Variants in PKHD1 observed in about 807,000 individuals in gnomAD.
PKHD1 encodes fibrocystin.
In PKHD1, 291 loss-of-function variants were observed where a neutral mutation model predicts 412.0. The ratio of observed to expected loss-of-function variants is 0.71; its 90% CI spans 0.64 to 0.78. The LOEUF (loss-of-function observed/expected upper bound fraction) is 0.78. Among genes scored for constraint, PKHD1 ranks in the 30% least tolerant of loss-of-function variants. PKHD1 has a pLI of 0.00. For synonymous variants in PKHD1, 1,777 were observed against 1,821.5 expected, an observed-to-expected ratio of 0.98 and a Z score of 0.62; for missense variants, 4,825 against 4,950.7, an observed-to-expected ratio of 0.97 and a Z score of 0.76.
chr6:52,083,610 A>C (rs1043176373), intron 2 of PKHD1, among the ~76,000 whole-genome samples: 1 of 152,172 alleles, frequency 6.6e-6, no homozygotes, highest in African/African-American at 2.4e-5. Context: ...TTTGGGTCCT[A>C]ATCAAACCCA....
intron 36 of PKHD1, among the ~76,000 whole-genome samples, chr6:51,948,946 G>A (rs1397987017): frequency 6.6e-6 from 1 of 152,156 alleles, no homozygotes; most frequent in Non-Finnish European, 1.5e-5. Context: ...AAGATCAAGA[G>A]AGAAAAGGTG....
At chr6:51,691,106 T>C (rs1013199637) in intron 60 of PKHD1, among the ~76,000 whole-genome samples, 1 of 152,130 alleles carries the variant, frequency 6.6e-6, no homozygotes, top group Admixed American at 6.5e-5. Context: ...CACAATGAGA[T>C]ACCATCTAAC....
chr6:51,675,342 G>A (rs1245151264), intron 60 of PKHD1, among the ~76,000 whole-genome samples: 1 of 152,108 alleles, frequency 6.6e-6, no homozygotes. Flanking sequence ...GTTTAGTTTT[G>A]AGTAATGATT....
Position 51,722,169 on chromosome 6 carries a change from G to A in PKHD1, c.10156+22216C>T, listed in dbSNP as rs572657614. The A allele has an allele frequency of 4.6e-5, 62 of 1,347,222 alleles. 1 individual carries two copies. Among genetic ancestry groups the A allele is most frequent in the South Asian group, 1.8e-4 (14 of 77,734 alleles). The allele number at this position is 1,347,222 out of a possible 1,614,324, so 83.5% of individuals were successfully genotyped here. On this transcript the variant is annotated intron_variant, in intron 60 of 66. Transcript: ENST00000371117. ...ATATCCGAGCTCTTTACTCATGCCC[G>A]CCCTCAGTGTGGAGGGTCCTTTTCT...
At chr6:51,776,028 G>A in intron 53 of PKHD1, 107 bp from the exon 54 acceptor site, 2 of 670,746 alleles carry the variant, frequency 3.0e-6, no homozygotes, top group South Asian at 3.2e-5. Context: ...CTGTGAAGTA[G>A]ACTATATGGA....
At chr6:51,676,024 T>C (rs1022285618) in intron 60 of PKHD1, among the ~76,000 whole-genome samples, 11 of 151,956 alleles carry the variant, frequency 7.2e-5, no homozygotes, top group African/African-American at 2.7e-4. Context: ...ACCAAGGCAG[T>C]GAGTGAAGTC....
At chr6:51,671,438 T>A (rs566646832) in intron 60 of PKHD1, among the ~76,000 whole-genome samples, 1 of 152,304 alleles carries the variant, frequency 6.6e-6, no homozygotes, top group Non-Finnish European at 1.5e-5. Context: ...TTATTCTAGT[T>A]ATACATTCTT....
intron 36 of PKHD1, among the ~76,000 whole-genome samples, chr6:51,959,551 A>G (rs1791674381): frequency 6.6e-6 from 1 of 152,104 alleles, no homozygotes; most frequent in East Asian, 1.9e-4. Flanking sequence ...GCATTTTGCT[A>G]TATTGTGGGG....
chr6:51,777,313 T>C (rs1791192256), intron 53 of PKHD1, among the ~76,000 whole-genome samples: 1 of 152,132 alleles, frequency 6.6e-6, no homozygotes, highest in Admixed American at 6.6e-5. Context: ...CCTATTTTTA[T>C]AGTTCAGCCT....
chr6:52,055,624 G>T lies in PKHD1; in HGVS notation c.1799C>A (p.Ala600Asp), dbSNP rs1241859995. ...QPRHLVLTPP[A>D]AQKGYRLDQY... ...ATCTAGCCGATAGCCCTTCTGGGCAGCCGGGGGAGTAAGGACAAGGTGTCG... is the reference window on the plus strand; with the variant it reads ...ATCTAGCCGATAGCCCTTCTGGGCATCCGGGGGAGTAAGGACAAGGTGTCG... The change falls in exon 19 of 67, where the codon GCT (alanine) becomes GAT (aspartate). Residue 600 changes from alanine (A) to aspartate (D), a missense_variant. Ala to Asp is a moderately radical substitution (Grantham distance 126). Coordinates refer to ENST00000371117, the MANE Select transcript of PKHD1 (RefSeq NM_138694.4). 6.2e-7 allele frequency: 1 copy of T among 1,614,018 alleles called. No individual in the cohort carries two copies. Among genetic ancestry groups the T allele is most frequent in the South Asian group, 1.1e-5 (1 of 91,078 alleles).
intron 35 of PKHD1, among the ~76,000 whole-genome samples, chr6:51,970,899 G>T (rs1793578095): frequency 6.6e-6 from 1 of 152,136 alleles, no homozygotes; most frequent in African/African-American, 2.4e-5. Context: ...CTCCAGCTTT[G>T]TTCTTTTTGC....
At chr6:51,935,138 C>T (rs906198531) in intron 36 of PKHD1, among the ~76,000 whole-genome samples, 6 of 152,152 alleles carry the variant, frequency 3.9e-5, no homozygotes, top group African/African-American at 1.4e-4. Flanking sequence ...TAGTAGGTTA[C>T]CCAATACCTT....
At chr6:51,665,269 G>A (rs1446827504) in intron 60 of PKHD1, among the ~76,000 whole-genome samples, 2 of 152,214 alleles carry the variant, frequency 1.3e-5, no homozygotes, top group South Asian at 2.1e-4. Context: ...CAGAGCTGAG[G>A]TTTCTTTGTT....
chr6:51,949,785 A>G (rs1790038252), intron 36 of PKHD1, among the ~76,000 whole-genome samples: 1 of 152,162 alleles, frequency 6.6e-6, no homozygotes, highest in African/African-American at 2.4e-5. Flanking sequence ...GATTGGGGGC[A>G]AAGGGAATGG....
At chr6:51,673,810 A>G (rs998139713) in intron 60 of PKHD1, among the ~76,000 whole-genome samples, 2 of 152,228 alleles carry the variant, frequency 1.3e-5, no homozygotes, top group African/African-American at 4.8e-5. Context: ...GGCTTTAAAA[A>G]GAGTGGAATC....
chr6:51,673,974 A>C (rs1456010866), intron 60 of PKHD1, among the ~76,000 whole-genome samples: 4 of 152,196 alleles, frequency 2.6e-5, no homozygotes, highest in Admixed American at 6.5e-5. Context: ...GAGCTCATGA[A>C]TGGATTGGGA....
At chr6:51,623,636 T>C (rs1359079090) in intron 66 of PKHD1, among the ~76,000 whole-genome samples, 1 of 152,202 alleles carries the variant, frequency 6.6e-6, no homozygotes, top group Non-Finnish European at 1.5e-5. Context: ...CAGGCTGGAA[T>C]GCAGTGGCAT....
At chr6:51,945,565 C>T (rs1472454032) in intron 36 of PKHD1, among the ~76,000 whole-genome samples, 1 of 152,170 alleles carries the variant, frequency 6.6e-6, no homozygotes, top group Non-Finnish European at 1.5e-5. Flanking sequence ...CCTGACACTG[C>T]CTGTGCTGCA....
intron 50 of PKHD1, among the ~76,000 whole-genome samples, chr6:51,841,286 A>T (rs1386404668): frequency 6.6e-6 from 1 of 152,248 alleles, no homozygotes. Flanking sequence ...TGTGTGAATT[A>T]AGGCTAGCAA....
Sources: allele counts gnomAD v4.1 joint callset (sites outside exome capture counted in the v4.1 genomes callset), GRCh38; gene constraint gnomAD v4.1.1; transcripts MANE v1.5; gene names NCBI Gene and HGNC (gene_info 2026-07-23, HGNC 2026-07-21).